Variants in FIP1L1 observed in about 807,000 individuals in gnomAD.
FIP1L1 encodes the protein factor interacting with PAPOLA and CPSF1, also known as pre-mRNA 3'-end-processing factor FIP1.
Under a neutral mutation model 84.6 loss-of-function variants are expected in FIP1L1, and 21 were observed. The observed-to-expected ratio is 0.25, with a 90% CI of 0.18 to 0.36. FIP1L1 has a LOEUF of 0.36. Ranked by LOEUF, FIP1L1 falls within the 10% of genes least tolerant of loss-of-function variation. The pLI is 1.00. For synonymous variants in FIP1L1, 263 were observed against 242.3 expected (o/e 1.09, Z -0.80); for missense variants, 526 against 751.1 (o/e 0.70, Z 3.50).
intron 5 of FIP1L1, among the ~76,000 whole-genome samples, chr4:53,386,827 G>C (rs1329183690): frequency 6.6e-6 from 1 of 152,052 alleles, no homozygotes; most frequent in Non-Finnish European, 1.5e-5. Context: ...TTGTTGTTCT[G>C]TTTTGCTTTG....
At chr4:53,440,715 ATGGGGATTTCAAGGTCCTAT>A in intron 13 of FIP1L1, 1 of 787,440 alleles carries the variant, frequency 1.3e-6, no homozygotes, top group Non-Finnish European at 2.2e-6. Context: ...GGAATAGGCT[ATGGGGATTTCAAGGTCCTAT>A]TTTCAGCTCT....
rs1219574589 is a variant in FIP1L1, at chr4:53,460,178, T to C, written c.*729T>C. 5.1e-6 allele frequency: 1 copy of C among 197,580 alleles called. No individual in the cohort carries two copies. The highest frequency in any genetic ancestry group is 2.3e-5 in the African/African-American group (1 of 43,394). The allele number at this position is 197,580 out of a possible 1,614,324, so 12.2% of individuals were successfully genotyped here. On this transcript the variant is annotated 3_prime_UTR_variant, in exon 18 of 18. Coordinates refer to ENST00000337488, the MANE Select transcript of FIP1L1 (RefSeq NM_030917.4). ...AGCCAGGGTCAAGCTGGTTTGGCCT[T>C]CTTGATGCATTTTCCAAGGCCCACT... is the stretch of plus-strand genomic sequence containing the variant.
In FIP1L1 at chr4:53,460,765, C is replaced by G. The variant is rs921035755; in HGVS notation, c.*1316C>G. On this transcript the variant is annotated 3_prime_UTR_variant, in exon 18 of 18. Coordinates refer to ENST00000337488, the MANE Select transcript of FIP1L1 (RefSeq NM_030917.4). ...ATCATATTTTCTGAGGTGTAACTGG[C>G]TTTCATTAGATGATCATACTTTTCC... The G allele has an allele frequency of 3.6e-6, 3 of 843,078 alleles. No homozygotes were observed. The highest frequency in any genetic ancestry group is 5.4e-6 in the Non-Finnish European group (3 of 555,412). The allele number at this position is 843,078 out of a possible 1,614,324, so 52.2% of individuals were successfully genotyped here.
At chr4:53,410,334 A>C (rs1756529232) in intron 10 of FIP1L1, among the ~76,000 whole-genome samples, 1 of 152,198 alleles carries the variant, frequency 6.6e-6, no homozygotes, top group South Asian at 2.1e-4. Context: ...ATGGTCGTTG[A>C]GTTCTTCGAC....
At chr4:53,420,054 C>G (rs28403386) in intron 11 of FIP1L1, among the ~76,000 whole-genome samples, 19,572 of 151,670 alleles carry the variant, frequency 0.13, 2,523 homozygotes, top group African/African-American at 0.32. Context: ...AAAAATTAGC[C>G]GGGCGCGGTG....
At chr4:53,395,046 G>T (rs1578251842) in intron 9 of FIP1L1, among the ~76,000 whole-genome samples, 2 of 152,084 alleles carry the variant, frequency 1.3e-5, no homozygotes, top group African/African-American at 4.8e-5. Context: ...TGTCAGATCT[G>T]ACATAAATTT....
intron 10 of FIP1L1, among the ~76,000 whole-genome samples, chr4:53,401,792 A>G (rs1466039321): frequency 6.6e-6 from 1 of 152,230 alleles, no homozygotes; most frequent in Non-Finnish European, 1.5e-5. Context: ...TGAGATGCCT[A>G]TTGGACGTGC....
chr4:53,395,919 A>T (rs1392847740), intron 9 of FIP1L1, among the ~76,000 whole-genome samples: 1 of 147,814 alleles, frequency 6.8e-6, no homozygotes, highest in Non-Finnish European at 1.5e-5. Context: ...GTATTTTATG[A>T]TTTTTTTTTT....
chr4:53,415,531 T>G lies in FIP1L1; in HGVS notation c.923+809T>G, dbSNP rs559477490. ...TACAAGGGGTAATTTTGTTTTTTGTTTTTTTTTTTGCTTTTGTTAGAGAAT... is the reference window on the plus strand; with the variant it reads ...TACAAGGGGTAATTTTGTTTTTTGTGTTTTTTTTTGCTTTTGTTAGAGAAT... On this transcript the variant is annotated intron_variant, in intron 11 of 17. Transcript: ENST00000337488. Among the ~76,000 whole-genome samples, 15 of 150,826 alleles carry G rather than the reference T, an allele frequency of 9.9e-5. No homozygotes were observed. The East Asian group carries it at 2.7e-3, about 27-fold the overall frequency.
At chr4:53,428,244 A>G in intron 13 of FIP1L1, 61 bp downstream of exon 13, 1 of 1,438,374 alleles carries the variant, frequency 7.0e-7, no homozygotes, top group African/African-American at 1.4e-5. Context: ...GTTTTTTAAA[A>G]TTTTTGACAA....
At chr4:53,444,128 A>G (rs374847677) in intron 15 of FIP1L1, 25 bp downstream of exon 15, 1 of 1,453,212 alleles carries the variant, frequency 6.9e-7, no homozygotes, top group Non-Finnish European at 9.7e-7. Context: ...TTAGATGCCT[A>G]GATTCAGTTT....
At position 53,391,563 on chromosome 4, in the gene FIP1L1, C is replaced by T. The variant is rs895192795; in HGVS notation, c.705+65C>T. 8 of 1,134,140 alleles carry T rather than the reference C, an allele frequency of 7.1e-6. No homozygotes were observed. In the African/African-American group the frequency reaches 1.2e-4, roughly 17 times the overall value. 70.3% of individuals were successfully genotyped at this position (1,134,140 alleles called of 1,614,324 possible). A position where few individuals can be genotyped will look rare whatever the true frequency, so the allele number is the denominator to read the frequency against. On this transcript the variant is annotated intron_variant, in intron 9 of 17. Transcript: ENST00000337488. ...TGTTCTTGAGTCTGCTCCCATGCCA[C>T]TACTCAAGGGACAAGATTAAAGTGG...
At chr4:53,405,389 C>G (rs1314964283) in intron 10 of FIP1L1, among the ~76,000 whole-genome samples, 2 of 152,114 alleles carry the variant, frequency 1.3e-5, no homozygotes, top group Non-Finnish European at 2.9e-5. Flanking sequence ...GGTACCAGTA[C>G]CATGCTGTTT....
At chr4:53,426,162 G>T (rs1263877590) in intron 12 of FIP1L1, among the ~76,000 whole-genome samples, 197 bp downstream of exon 12, 1 of 151,656 alleles carries the variant, frequency 6.6e-6, no homozygotes, top group Non-Finnish European at 1.5e-5. Context: ...TTTTAATAGG[G>T]TTTTCTTTCT....
At chr4:53,434,728 A>G (rs777874246) in intron 13 of FIP1L1, among the ~76,000 whole-genome samples, 1 of 152,148 alleles carries the variant, frequency 6.6e-6, no homozygotes, top group Admixed American at 6.5e-5. Flanking sequence ...TCGGCTTCCC[A>G]AAGTGCTGGG....
chr4:53,380,985 A>G (rs1454372304), intron 3 of FIP1L1, among the ~76,000 whole-genome samples: 1 of 152,138 alleles, frequency 6.6e-6, no homozygotes, highest in African/African-American at 2.4e-5. Context: ...GCAATACACA[A>G]CTTGCTAAAA....
At chr4:53,385,678 C>T (rs954917743) in intron 5 of FIP1L1, among the ~76,000 whole-genome samples, 2 of 152,078 alleles carry the variant, frequency 1.3e-5, no homozygotes, top group Admixed American at 1.3e-4. Flanking sequence ...TTCAAATGCT[C>T]ACAAAAGTTG....
intron 15 of FIP1L1, among the ~76,000 whole-genome samples, chr4:53,445,487 G>A (rs1266445085): frequency 6.6e-6 from 1 of 152,092 alleles, no homozygotes; most frequent in African/African-American, 2.4e-5. Flanking sequence ...AAATAACCAG[G>A]GAATGAGTAG....
At chr4:53,435,328 C>T (rs555981868) in intron 13 of FIP1L1, among the ~76,000 whole-genome samples, 6 of 152,260 alleles carry the variant, frequency 3.9e-5, no homozygotes, top group African/African-American at 1.4e-4. Context: ...ATAATAGTTA[C>T]ATTTTGAATA....
Sources: gnomAD v4.1 joint callset for allele counts (sites outside exome capture counted in the v4.1 genomes callset) on GRCh38, gnomAD v4.1.1 for gene constraint, MANE v1.5 for transcripts, NCBI Gene and HGNC (gene_info 2026-07-23, HGNC 2026-07-21) for gene names.